The following AGT variants were observed in gnomAD, a reference collection of about 807,000 sequenced individuals.
AGT encodes angiotensinogen, also known as alpha-1 antiproteinase, antitrypsin.
In AGT, 26 loss-of-function variants were observed where a neutral mutation model predicts 28.1. The ratio of observed to expected loss-of-function variants is 0.92; its 90% CI spans 0.68 to 1.28. AGT has a LOEUF of 1.28. AGT is among the 50% of genes most tolerant of loss of function. The pLI is 0.00. For synonymous variants in AGT, 259 were observed against 259.6 expected (o/e 1.00, Z 0.02); for missense variants, 596 against 592.3 (o/e 1.01, Z -0.06).
chr1:230,716,573 A>G (rs2493138), upstream of AGT, among the ~76,000 whole-genome samples: 152,112 of 152,306 alleles, frequency 1, 75,959 homozygotes, highest in Middle Eastern at 1. Context: ...GATCTTTCTG[A>G]TGCTGTTCTT....
rs61762541 is a variant in AGT at position 230,710,840 on chromosome 1, C to A, written c.-17G>T. ...AGGAGCCATCTCAGACTGGGGTGCTCGCTTCCGCATACCCTGAAATATCAT... is the reference window on the plus strand; with the variant it reads ...AGGAGCCATCTCAGACTGGGGTGCTAGCTTCCGCATACCCTGAAATATCAT... On this transcript the variant is annotated 5_prime_UTR_variant, in exon 2 of 5. Transcript: ENST00000366667. The A allele has an allele frequency of 6.2e-7, 1 of 1,613,260 alleles. No homozygotes were observed. The highest frequency in any genetic ancestry group is 8.5e-7 in the Non-Finnish European group (1 of 1,180,028).
chr1:230,738,181 A>G (rs1308961344), intron 1 of AGT, among the ~76,000 whole-genome samples: 1 of 152,222 alleles, frequency 6.6e-6, no homozygotes, highest in Non-Finnish European at 1.5e-5. Flanking sequence ...TTTTGTGTGG[A>G]CATCTGTTTT....
At chr1:230,708,273 G>T (rs532388998) in intron 2 of AGT, among the ~76,000 whole-genome samples, 1 of 152,290 alleles carries the variant, frequency 6.6e-6, no homozygotes, top group East Asian at 1.9e-4. Context: ...GTCTGGGTCA[G>T]GTGGATGTGC....
rs111933694 is a variant in AGT, at chr1:230,702,728, A to C, written c.*413T>G. On this transcript the variant is annotated 3_prime_UTR_variant, in exon 5 of 5. Transcript: ENST00000366667. The stretch of plus-strand genomic sequence containing the variant: ...CATTCAAGACACTAAATACAAACCG[A>C]AGGCAATGCAAAAATGTATACTTTA... 1 of 228,876 alleles carries C rather than the reference A, an allele frequency of 4.4e-6. No homozygotes were observed. Among genetic ancestry groups the C allele is most frequent in the Admixed American group, 5.2e-5 (1 of 19,400 alleles). The allele number at this position is 228,876 out of a possible 1,614,324, so 14.2% of individuals were successfully genotyped here.
chr1:230,742,004 T>C (rs1042849558), intron 1 of AGT, among the ~76,000 whole-genome samples: 1 of 152,102 alleles, frequency 6.6e-6, no homozygotes, highest in Admixed American at 6.5e-5. Flanking sequence ...TTCAGTGAGC[T>C]ATGATCATGT....
chr1:230,708,496 A>G (rs1260348159), intron 2 of AGT, among the ~76,000 whole-genome samples: 1 of 152,168 alleles, frequency 6.6e-6, no homozygotes, highest in Non-Finnish European at 1.5e-5. Context: ...AGTCAGTGCC[A>G]GGGCTGAGCA....
intron 1 of AGT, among the ~76,000 whole-genome samples, chr1:230,713,362 T>C (rs1027723740): frequency 6.6e-6 from 1 of 152,136 alleles, no homozygotes; most frequent in Non-Finnish European, 1.5e-5. Flanking sequence ...TTGTTCAACG[T>C]CACACAGCTG....
chr1:230,704,222 A>G lies in AGT; in HGVS notation c.1213T>C (p.Leu405=), dbSNP rs759970706. The part of the protein sequence containing the change: ...ILHTELNLQK[L]SNDRIRVGEV... ...CCCACCCTGATGCGGTCATTGCTCA[A>G]TTTTTGCAGGTTCAGCTCGGTGTGC... Residue 405 remains leucine, a synonymous_variant, in exon 4 of 5, where the codon TTG becomes CTG. Transcript: ENST00000366667. 6.2e-7 allele frequency: 1 copy of G among 1,614,164 alleles called. No individual in the cohort carries two copies. Among genetic ancestry groups the G allele is most frequent in the Non-Finnish European group, 8.5e-7 (1 of 1,180,032 alleles).
intron 1 of AGT, among the ~76,000 whole-genome samples, chr1:230,721,456 T>G (rs977500453): frequency 3.3e-5 from 5 of 152,214 alleles, no homozygotes; most frequent in African/African-American, 1.2e-4. Context: ...TTTAGGCAAG[T>G]AAATTAGTAC....
At chr1:230,733,496 C>T (rs1300806308) in intron 1 of AGT, among the ~76,000 whole-genome samples, 7 of 152,054 alleles carry the variant, frequency 4.6e-5, no homozygotes, top group African/African-American at 1.7e-4. Context: ...TAGTTGAGGT[C>T]GATTTTCACT....
rs774320928 is a variant in AGT at position 230,710,086 on chromosome 1, C to T, written c.738G>A (p.Met246Ile). 4.3e-6 allele frequency: 7 copies of T among 1,614,098 alleles called. No individual in the cohort carries two copies. In the East Asian group the frequency reaches 1.1e-4, roughly 26 times the overall value. ...CAGTCTTCCATCCTGTCACAGCCTGCATGAACCTGTCAATCTTCTCAGCAG... is the reference window on the plus strand; with the variant it reads ...CAGTCTTCCATCCTGTCACAGCCTGTATGAACCTGTCAATCTTCTCAGCAG... ...DVAAEKIDRF[M>I]QAVTGWKTGC... The change falls in exon 2 of 5, where the codon ATG (methionine) becomes ATA (isoleucine). Residue 246 changes from methionine to isoleucine, a missense_variant. Physicochemically the swap from Met to Ile is conservative, Grantham distance 10. Transcript: ENST00000366667.
At chr1:230,726,584 T>TA (rs900588200) in intron 1 of AGT, among the ~76,000 whole-genome samples, 11 of 151,468 alleles carry the variant, frequency 7.3e-5, no homozygotes, top group East Asian at 1.9e-4. Flanking sequence ...TTACTATGTT[T>TA]AAAAAAAAAC....
rs751222492 is a variant in AGT, at chr1:230,710,533, G to A, written c.291C>T (p.Val97=). ...AGCCCAAGAAGTTGGCCAGCATCCC[G>A]ACCATTGCGGCCCTCAACTTGTCTT... ...DTEDKLRAAM[V]GMLANFLGFR... is the part of the protein sequence containing the mutation. The change falls in exon 2 of 5, where the codon GTC becomes GTT. Residue 97 remains valine, a synonymous_variant. Coordinates refer to ENST00000366667, the MANE Select transcript of AGT (RefSeq NM_001384479.1). 23 of 1,614,122 alleles carry A rather than the reference G, an allele frequency of 1.4e-5. No homozygotes were observed. Among genetic ancestry groups the A allele is most frequent in the East Asian group, 4.5e-5 (2 of 44,896 alleles).
intron 1 of AGT, among the ~76,000 whole-genome samples, chr1:230,735,459 TAC>T (rs982275540): frequency 1.3e-5 from 2 of 152,236 alleles, no homozygotes; most frequent in African/African-American, 4.8e-5. Context: ...TGTAAATTAA[TAC>T]AGTCTTTTTT....
At chr1:230,722,825 T>A (rs1663874023) in intron 1 of AGT, among the ~76,000 whole-genome samples, 1 of 152,210 alleles carries the variant, frequency 6.6e-6, no homozygotes, top group Non-Finnish European at 1.5e-5. Flanking sequence ...TTGTCTCAGA[T>A]GAGACTTTGG....
At chr1:230,743,249 C>T (rs993205748) in intron 1 of AGT, among the ~76,000 whole-genome samples, 1 of 152,182 alleles carries the variant, frequency 6.6e-6, no homozygotes, top group Non-Finnish European at 1.5e-5. Flanking sequence ...TCTCAGCCTC[C>T]CAAAGTGCTG....
chr1:230,728,159 G>C (rs1663981133), intron 1 of AGT, among the ~76,000 whole-genome samples: 1 of 152,104 alleles, frequency 6.6e-6, no homozygotes, highest in African/African-American at 2.4e-5. Flanking sequence ...AAAGTCACCT[G>C]GTTTCAGAAA....
chr1:230,704,252 T>C lies in AGT; in HGVS notation c.1183A>G (p.Ile395Val). 3.1e-6 allele frequency: 5 copies of C among 1,614,216 alleles called. No individual in the cohort carries two copies. The highest frequency in any genetic ancestry group is 1.7e-5 in the Admixed American group (1 of 60,026). The change falls in exon 4 of 5, where the codon ATT becomes GTT. Residue 395 changes from isoleucine to valine, a missense_variant. Transcript: ENST00000366667. ...TGCAGGTTCAGCTCGGTGTGCAGAA[T>C]GGCGGGCAGCTCAGCCTGGGCGAGC... ...DLLAQAELPA[I>V]LHTELNLQKL...
Position 230,710,661 on chromosome 1 carries a change from C to G in AGT, c.163G>C (p.Asp55His). 1 of 1,614,254 alleles carries G rather than the reference C, an allele frequency of 6.2e-7. No individual in the cohort carries two copies. The highest frequency in any genetic ancestry group is 1.3e-5 in the African/African-American group (1 of 75,074). Reference sequence around the variant, plus strand: ...ATTGGAGCAGGTATGAAGGTGGGGTCTTTGGGCTTCCCGGCATTGGCCTTT... The same window carrying G: ...ATTGGAGCAGGTATGAAGGTGGGGTGTTTGGGCTTCCCGGCATTGGCCTTT... The part of the protein sequence containing the change: ...LAKANAGKPK[D>H]PTFIPAPIQA... Residue 55 changes from aspartate to histidine, a missense_variant, in exon 2 of 5, where the codon GAC becomes CAC. Coordinates refer to ENST00000366667, the MANE Select transcript of AGT (RefSeq NM_001384479.1).
Sources: gnomAD v4.1 joint callset for allele counts (sites outside exome capture counted in the v4.1 genomes callset) on GRCh38, gnomAD v4.1.1 for gene constraint, MANE v1.5 for transcripts, NCBI Gene and HGNC (gene_info 2026-07-23, HGNC 2026-07-21) for gene names.